Variants in IL1RAPL1 observed in about 807,000 individuals in gnomAD.
IL1RAPL1 encodes interleukin 1 receptor accessory protein like 1.
A neutral mutation model predicts 48.4 loss-of-function variants in IL1RAPL1; 3 were observed. That is an observed-to-expected ratio of 0.06 (90% CI 0.03 to 0.16). IL1RAPL1 has a LOEUF of 0.16. Ranked by LOEUF, IL1RAPL1 falls within the 10% of genes least tolerant of loss-of-function variation. The pLI is 1.00. For synonymous variants in IL1RAPL1, 185 were observed against 187.7 expected, an observed-to-expected ratio of 0.99 and a Z score of 0.12; for missense variants, 349 against 530.6, an observed-to-expected ratio of 0.66 and a Z score of 3.36.
intron 2 of IL1RAPL1, among the ~76,000 whole-genome samples, chrX:29,171,461 T>C (rs772971346): frequency 8.9e-6 from 1 of 111,866 alleles, no homozygotes; most frequent in Non-Finnish European, 1.9e-5. Context: ...GTTGTCATTA[T>C]TGAATAAATT....
chrX:29,217,748 T>C (rs1383708666), intron 2 of IL1RAPL1, among the ~76,000 whole-genome samples: 1 of 97,258 alleles, frequency 1.0e-5, no homozygotes, highest in Non-Finnish European at 2.0e-5. Context: ...TTAAAATTTA[T>C]ACATTTTTTC....
intron 8 of IL1RAPL1, among the ~76,000 whole-genome samples, chrX:29,924,611 C>T (rs774591821): frequency 3.6e-5 from 4 of 111,666 alleles, no homozygotes; most frequent in Admixed American, 1.9e-4. Context: ...GTGAATGTTT[C>T]ACTTTGAAAC....
At chrX:29,299,059 GAA>G (rs1295791637) in intron 3 of IL1RAPL1, among the ~76,000 whole-genome samples, 1 of 101,518 alleles carries the variant, frequency 9.9e-6, no homozygotes. Context: ...AAAGCAGGCA[GAA>G]AAAAAAAAAC....
At chrX:28,590,682 CTG>C (rs2146873430) in intron 1 of IL1RAPL1, among the ~76,000 whole-genome samples, 1 of 111,648 alleles carries the variant, frequency 9.0e-6, no homozygotes, top group South Asian at 3.7e-4. Flanking sequence ...CAAATATAGT[CTG>C]TAATGATTTT....
chrX:29,372,773 CTTT>C (rs1160543169), intron 3 of IL1RAPL1, among the ~76,000 whole-genome samples: 14 of 63,477 alleles, frequency 2.2e-4, no homozygotes, highest in African/African-American at 6.3e-4. Flanking sequence ...GTCTATGTGT[CTTT>C]TTTTTTTTTT....
At chrX:29,122,409 T>TCACACACACACACACACA (rs59677285) in intron 2 of IL1RAPL1, among the ~76,000 whole-genome samples, 3 of 64,590 alleles carry the variant, frequency 4.6e-5, no homozygotes, top group African/African-American at 1.6e-4. Context: ...TCTCTCTCTC[T>TCACACACACACACACACA]CACACACACA....
At chrX:29,832,222 T>G (rs1437069755) in intron 6 of IL1RAPL1, among the ~76,000 whole-genome samples, 1 of 111,860 alleles carries the variant, frequency 8.9e-6, no homozygotes, top group Non-Finnish European at 1.9e-5. Context: ...AAAAATAAGA[T>G]TATAGAGAAT....
At chrX:28,980,091 C>G (rs1456884862) in intron 2 of IL1RAPL1, among the ~76,000 whole-genome samples, 1 of 112,340 alleles carries the variant, frequency 8.9e-6, no homozygotes, top group African/African-American at 3.2e-5. Context: ...TTACCTCTAT[C>G]TACATCAATC....
chrX:29,017,250 G>A (rs1197027913), intron 2 of IL1RAPL1, among the ~76,000 whole-genome samples: 1 of 112,281 alleles, frequency 8.9e-6, no homozygotes, highest in Non-Finnish European at 1.9e-5. Flanking sequence ...CACGTATTAC[G>A]TGTTGCCTCA....
chrX:29,940,369 G>A (rs574092411), intron 8 of IL1RAPL1, among the ~76,000 whole-genome samples: 7 of 111,851 alleles, frequency 6.3e-5, no homozygotes, highest in Admixed American at 1.9e-4. Context: ...CAGCAAAACC[G>A]TGGATCATTT....
chrX:29,419,863 G>A (rs1191926577), intron 5 of IL1RAPL1, among the ~76,000 whole-genome samples: 2 of 111,242 alleles, frequency 1.8e-5, no homozygotes, highest in African/African-American at 3.3e-5. Flanking sequence ...TGGCAGAGGA[G>A]ACTCTTGTTG....
At chrX:29,911,605 A>G (rs1048659068) in intron 6 of IL1RAPL1, among the ~76,000 whole-genome samples, 1 of 112,384 alleles carries the variant, frequency 8.9e-6, no homozygotes, top group Admixed American at 9.5e-5. Flanking sequence ...TTTTGTTTAC[A>G]TTAGCTAATA....
chrX:29,115,592 C>T (rs1220707201), intron 2 of IL1RAPL1, among the ~76,000 whole-genome samples: 1 of 108,309 alleles, frequency 9.2e-6, no homozygotes, highest in African/African-American at 3.4e-5. Flanking sequence ...CTCGTATCCT[C>T]AAGTTTTCTG....
intron 1 of IL1RAPL1, among the ~76,000 whole-genome samples, chrX:28,707,668 G>T (rs907325382): frequency 1.8e-5 from 2 of 112,133 alleles, no homozygotes; most frequent in African/African-American, 6.5e-5. Flanking sequence ...TGGTGACATT[G>T]CTGTGAATGA....
intron 1 of IL1RAPL1, among the ~76,000 whole-genome samples, chrX:28,667,891 T>A (rs904925549): frequency 9.0e-6 from 1 of 111,434 alleles, no homozygotes; most frequent in Non-Finnish European, 1.9e-5. Flanking sequence ...GTTCTACCCT[T>A]ATGTCCTAAT....
intron 5 of IL1RAPL1, among the ~76,000 whole-genome samples, chrX:29,515,092 G>T (rs977842030): frequency 8.9e-6 from 1 of 112,199 alleles, no homozygotes; most frequent in Admixed American, 9.4e-5. Flanking sequence ...AATTTTTCCT[G>T]GGTGAAGACA....
chrX:29,403,144 A>G (rs1186725957), intron 5 of IL1RAPL1, among the ~76,000 whole-genome samples: 1 of 112,643 alleles, frequency 8.9e-6, no homozygotes, highest in African/African-American at 3.2e-5. Flanking sequence ...GTATTCTGCT[A>G]CATGAGATAT....
At chrX:29,021,262 A>G (rs1457659516) in intron 2 of IL1RAPL1, among the ~76,000 whole-genome samples, 1 of 108,372 alleles carries the variant, frequency 9.2e-6, no homozygotes, top group East Asian at 2.9e-4. Flanking sequence ...TAGGTATGAC[A>G]TCATCCCTTC....
chrX:29,323,758 T>A (rs1932824572), intron 3 of IL1RAPL1, among the ~76,000 whole-genome samples: 2 of 42,805 alleles, frequency 4.7e-5, no homozygotes, highest in African/African-American at 2.2e-4. Context: ...TATATATATA[T>A]ATATATATAT....
Sources: gnomAD v4.1 joint callset for allele counts (sites outside exome capture counted in the v4.1 genomes callset) on GRCh38, gnomAD v4.1.1 for gene constraint, MANE v1.5 for transcripts, NCBI Gene and HGNC (gene_info 2026-07-23, HGNC 2026-07-21) for gene names.